The following TAF3 variants were observed in gnomAD, a reference collection of about 807,000 sequenced individuals.
The protein encoded by TAF3 is transcription initiation factor TFIID subunit 3.
TAF3 carries 7 observed loss-of-function variants against 80.6 expected under a neutral mutation model. That is an observed-to-expected ratio of 0.09 (90% CI 0.05 to 0.16). TAF3 has a LOEUF of 0.16. Ranked by LOEUF, TAF3 falls within the 10% of genes least tolerant of loss-of-function variation. TAF3 has a pLI of 1.00. For missense variants in TAF3, 921 were observed against 1,140.2 expected, an observed-to-expected ratio of 0.81 and a Z score of 2.77; for synonymous variants, 444 against 446.1, an observed-to-expected ratio of 1.00 and a Z score of 0.06.
intron 4 of TAF3, among the ~76,000 whole-genome samples, chr10:7,994,261 T>C (rs1323771033): frequency 3.3e-5 from 5 of 152,158 alleles, no homozygotes; most frequent in Admixed American, 2.6e-4. Context: ...GCATATTTCC[T>C]GTATATTCTT....
At chr10:7,832,781 C>T (rs1367640818) in intron 2 of TAF3, among the ~76,000 whole-genome samples, 1 of 152,160 alleles carries the variant, frequency 6.6e-6, no homozygotes, top group African/African-American at 2.4e-5. Flanking sequence ...AACCCCTGGC[C>T]TCAAGTGATC....
chr10:7,890,122 C>T (rs1837444793), intron 2 of TAF3, among the ~76,000 whole-genome samples: 1 of 152,228 alleles, frequency 6.6e-6, no homozygotes, highest in Non-Finnish European at 1.5e-5. Flanking sequence ...CAGTTTCACT[C>T]TCAGTCACTT....
At chr10:7,838,482 A>G (rs1269235365) in intron 2 of TAF3, among the ~76,000 whole-genome samples, 1 of 151,914 alleles carries the variant, frequency 6.6e-6, no homozygotes, top group Non-Finnish European at 1.5e-5. Flanking sequence ...CCCGGGTTTG[A>G]GCGATTCTCC....
At chr10:7,960,923 G>C (rs951669423) in intron 2 of TAF3, among the ~76,000 whole-genome samples, 2 of 152,092 alleles carry the variant, frequency 1.3e-5, no homozygotes, top group Non-Finnish European at 2.9e-5. Context: ...GCCTCAGAAG[G>C]GGTTCTACAA....
intron 2 of TAF3, among the ~76,000 whole-genome samples, chr10:7,914,445 A>G (rs1211706145): frequency 6.6e-6 from 1 of 152,100 alleles, no homozygotes; most frequent in African/African-American, 2.4e-5. Context: ...TATTTTGTTT[A>G]TTTATTGTCT....
At chr10:7,899,096 G>C (rs2131169677) in intron 2 of TAF3, among the ~76,000 whole-genome samples, 1 of 152,258 alleles carries the variant, frequency 6.6e-6, no homozygotes, top group East Asian at 1.9e-4. Flanking sequence ...ATTTTTAAGA[G>C]AGCATTTAAG....
At chr10:7,837,341 C>CAAAAAAAAA (rs79016748) in intron 2 of TAF3, among the ~76,000 whole-genome samples, 1 of 90,102 alleles carries the variant, frequency 1.1e-5, no homozygotes. Context: ...CCAGTCTGGG[C>CAAAAAAAAA]AAAAAAAAAA....
rs71385681 is a variant in TAF3 at position 7,939,577 on chromosome 10, T to TACACACAC, written c.410-24306_410-24299dup. Among the ~76,000 whole-genome samples, 771 of 139,286 alleles carry TACACACAC rather than the reference T, an allele frequency of 5.5e-3. 1 individual carries two copies. Among genetic ancestry groups the TACACACAC allele is most frequent in the Admixed American group, 8.9e-3 (124 of 13,944 alleles). 91.4% of individuals were successfully genotyped at this position (139,286 alleles called of 152,430 possible). A position where few individuals can be genotyped will look rare whatever the true frequency, so the allele number is the denominator to read the frequency against. ...GACAATGTAGGAAATAGAAGAAAAC[T>TACACACAC]ACACACACACACACACACACACACA... On this transcript the variant is annotated intron_variant, in intron 2 of 6. Coordinates refer to ENST00000344293, the MANE Select transcript of TAF3 (RefSeq NM_031923.4).
At chr10:8,013,054 T>C (rs1832069601) in intron 5 of TAF3, among the ~76,000 whole-genome samples, 1 of 152,234 alleles carries the variant, frequency 6.6e-6, no homozygotes, top group African/African-American at 2.4e-5. Context: ...AAGTCAACTC[T>C]AGAGTACACA....
chr10:7,957,796 T>G (rs961046864), intron 2 of TAF3, among the ~76,000 whole-genome samples: 55 of 90,778 alleles, frequency 6.1e-4, no homozygotes, highest in African/African-American at 1.6e-3. Flanking sequence ...TCTAGCGCGC[T>G]CTCTCTCTCT....
intron 2 of TAF3, among the ~76,000 whole-genome samples, chr10:7,901,077 A>C (rs1365035226): frequency 9.4e-5 from 1 of 10,658 alleles, no homozygotes; most frequent in African/African-American, 2.1e-4. Flanking sequence ...GCATTTGATT[A>C]TAATTTATTT....
chr10:7,869,967 A>G (rs1203228429), intron 2 of TAF3, among the ~76,000 whole-genome samples: 1 of 152,208 alleles, frequency 6.6e-6, no homozygotes, highest in Non-Finnish European at 1.5e-5. Context: ...TTACTGAACT[A>G]CTTTCGACCC....
intron 2 of TAF3, among the ~76,000 whole-genome samples, chr10:7,896,516 G>C (rs1285870318): frequency 6.6e-6 from 1 of 152,148 alleles, no homozygotes; most frequent in African/African-American, 2.4e-5. Flanking sequence ...ATCTCTAGTT[G>C]CCATAGCCCC....
chr10:7,963,276 G>A (rs1156606619), intron 2 of TAF3, among the ~76,000 whole-genome samples: 6 of 152,272 alleles, frequency 3.9e-5, no homozygotes, highest in East Asian at 3.9e-4. Context: ...GTGTGGGTGC[G>A]CACGTGTGCT....
chr10:7,872,474 A>G (rs956277577), intron 2 of TAF3, among the ~76,000 whole-genome samples: 18 of 152,158 alleles, frequency 1.2e-4, no homozygotes, highest in African/African-American at 4.1e-4. Flanking sequence ...GCACTAAGCA[A>G]TATTGTAGAT....
intron 4 of TAF3, among the ~76,000 whole-genome samples, chr10:8,005,011 TGTTG>T: frequency 6.6e-6 from 1 of 152,228 alleles, no homozygotes; most frequent in East Asian, 1.9e-4. Context: ...GTTTCCAATC[TGTTG>T]TTAAATCCCT....
chr10:7,910,356 A>G (rs1223070164), intron 2 of TAF3, among the ~76,000 whole-genome samples: 2 of 152,122 alleles, frequency 1.3e-5, no homozygotes, highest in African/African-American at 4.8e-5. Flanking sequence ...TTTTGAAATT[A>G]TTTCTACTTT....
intron 2 of TAF3, among the ~76,000 whole-genome samples, chr10:7,885,260 A>ACACACACACACACCCC (rs1554779931): frequency 2.1e-4 from 32 of 151,844 alleles, no homozygotes; most frequent in African/African-American, 7.7e-4. Flanking sequence ...ACACACACAC[A>ACACACACACACACCCC]CACACACACA....
chr10:7,931,256 A>G (rs1468654944), intron 2 of TAF3, among the ~76,000 whole-genome samples: 1 of 152,196 alleles, frequency 6.6e-6, no homozygotes, highest in Admixed American at 6.5e-5. Flanking sequence ...CTGATGATGA[A>G]TGAAGTCACC....
Sources: gnomAD v4.1 joint callset for allele counts (sites outside exome capture counted in the v4.1 genomes callset) on GRCh38, gnomAD v4.1.1 for gene constraint, MANE v1.5 for transcripts, NCBI Gene and HGNC (gene_info 2026-07-23, HGNC 2026-07-21) for gene names.